PAG1: variants seen among roughly 807,000 people sequenced by gnomAD.
PAG1 encodes phosphoprotein membrane anchor with glycosphingolipid microdomains 1, also known as phosphoprotein associated with glycosphingolipid-enriched microdomains 1.
PAG1 carries 23 observed loss-of-function variants against 31.7 expected under a neutral mutation model. The ratio of observed to expected loss-of-function variants is 0.73; its 90% confidence interval spans 0.52 to 1.03. The LOEUF (loss-of-function observed/expected upper bound fraction) is 1.03. Ranked by LOEUF, PAG1 falls within the 50% of genes least tolerant of loss-of-function variation. PAG1 has a pLI of 0.00. For synonymous variants in PAG1, 214 were observed against 210.3 expected (o/e 1.02, Z -0.15); for missense variants, 473 against 540.7 (o/e 0.87, Z 1.24).
intron 1 of PAG1, among the ~76,000 whole-genome samples, chr8:81,110,830 A>T (rs921916181): frequency 4.6e-5 from 7 of 152,238 alleles, no homozygotes; most frequent in African/African-American, 1.7e-4. Context: ...CCGCTATATC[A>T]TGTCAGCATT....
chr8:81,077,441 A>G (rs1586205892), intron 1 of PAG1, among the ~76,000 whole-genome samples: 1 of 152,236 alleles, frequency 6.6e-6, no homozygotes, highest in South Asian at 2.1e-4. Flanking sequence ...GTAAATAAAT[A>G]ACAACCCACA....
At chr8:81,067,153 C>G (rs1356400709) in intron 2 of PAG1, among the ~76,000 whole-genome samples, 1 of 152,094 alleles carries the variant, frequency 6.6e-6, no homozygotes, top group Non-Finnish European at 1.5e-5. Context: ...TCTCTAAAAG[C>G]AAACAAAACC....
intron 1 of PAG1, among the ~76,000 whole-genome samples, chr8:81,097,294 G>C (rs1809543427): frequency 6.6e-6 from 1 of 152,192 alleles, no homozygotes; most frequent in South Asian, 2.1e-4. Flanking sequence ...GAGCTGGGGA[G>C]GGGTAGGGGT....
At chr8:81,037,327 C>G (rs966296841) in intron 2 of PAG1, 1 of 152,044 alleles carries the variant, frequency 6.6e-6, no homozygotes, top group Admixed American at 6.6e-5. Context: ...ATTTTACTAG[C>G]AAAAATCTTC....
chr8:81,078,102 G>A (rs901623769), intron 1 of PAG1, among the ~76,000 whole-genome samples: 1 of 152,230 alleles, frequency 6.6e-6, no homozygotes, highest in Non-Finnish European at 1.5e-5. Context: ...GAAGGTGTCT[G>A]CTACTTTATC....
At chr8:81,024,544 T>C (rs749447739) in intron 3 of PAG1, among the ~76,000 whole-genome samples, 3 of 152,210 alleles carry the variant, frequency 2.0e-5, no homozygotes, top group Non-Finnish European at 4.4e-5. Context: ...CCACAAGACC[T>C]ATGAAGTGTA....
chr8:81,053,563 T>C (rs988582486), intron 2 of PAG1, among the ~76,000 whole-genome samples: 13 of 152,334 alleles, frequency 8.5e-5, no homozygotes, highest in Middle Eastern at 3.4e-3. Flanking sequence ...ATGATCAGCA[T>C]TGGTTACTTA....
intron 1 of PAG1, among the ~76,000 whole-genome samples, chr8:81,074,305 T>C (rs1233617434): frequency 6.6e-6 from 1 of 151,596 alleles, no homozygotes; most frequent in Non-Finnish European, 1.5e-5. Context: ...AGGGTTGGGG[T>C]TTTGCCAGTG....
chr8:81,012,442 AC>A (rs1808001538), intron 3 of PAG1, among the ~76,000 whole-genome samples: 1 of 152,220 alleles, frequency 6.6e-6, no homozygotes, highest in Non-Finnish European at 1.5e-5. Context: ...TGAAACCCCT[AC>A]CAAAATCAGC....
chr8:80,992,574 A>AGG (rs1156390745), intron 4 of PAG1, among the ~76,000 whole-genome samples: 1 of 152,250 alleles, frequency 6.6e-6, no homozygotes, highest in Admixed American at 6.5e-5. Flanking sequence ...GAGGAGAGAG[A>AGG]GAAGTATAAC....
At chr8:81,077,699 T>A (rs1310685991) in intron 1 of PAG1, among the ~76,000 whole-genome samples, 1 of 152,210 alleles carries the variant, frequency 6.6e-6, no homozygotes, top group Non-Finnish European at 1.5e-5. Context: ...GAAGAAGATA[T>A]GCCTTAAAAA....
At position 80,974,161 on chromosome 8, in the gene PAG1, T is replaced by TG. The variant is rs1807135775; in HGVS notation, c.*2382_*2383insC. On this transcript the variant is annotated 3_prime_UTR_variant, in exon 9 of 9. Transcript: ENST00000220597. ...GAGCTTTCTATAAAAAGTTTTTTTT[T>TG]TTTTTTTTTTTTTACTTTAGAGATC... 6.6e-6 allele frequency: 1 copy of TG among 150,868 alleles called. No homozygotes were observed. Among genetic ancestry groups the TG allele is most frequent in the Non-Finnish European group, 1.5e-5 (1 of 67,694 alleles). The allele number at this position is 150,868 out of a possible 1,614,324, so 9.3% of individuals were successfully genotyped here. A position where few individuals can be genotyped will look rare whatever the true frequency, so the allele number is the denominator to read the frequency against.
intron 3 of PAG1, among the ~76,000 whole-genome samples, chr8:81,012,538 T>A (rs1339180308): frequency 6.6e-6 from 1 of 152,222 alleles, no homozygotes; most frequent in African/African-American, 2.4e-5. Context: ...TTTTGCTGCT[T>A]CCCTGGCTGG....
chr8:81,023,000 T>A (rs1277905298), intron 3 of PAG1, among the ~76,000 whole-genome samples: 1 of 152,216 alleles, frequency 6.6e-6, no homozygotes, highest in Non-Finnish European at 1.5e-5. Context: ...TATTTTAATA[T>A]CTTTTCCTGG....
intron 1 of PAG1, among the ~76,000 whole-genome samples, chr8:81,100,714 C>T (rs1809595743): frequency 6.6e-6 from 1 of 152,154 alleles, no homozygotes; most frequent in South Asian, 2.1e-4. Flanking sequence ...AAAAAGCATA[C>T]GACTAGCAAA....
chr8:81,054,008 G>T (rs1808774524), intron 2 of PAG1, among the ~76,000 whole-genome samples: 1 of 152,100 alleles, frequency 6.6e-6, no homozygotes, highest in African/African-American at 2.4e-5. Context: ...GCTAAAGGAC[G>T]AGTGTGCCTG....
chr8:80,997,758 AC>A (rs1157046918), intron 3 of PAG1, among the ~76,000 whole-genome samples: 1 of 145,090 alleles, frequency 6.9e-6, no homozygotes, highest in Non-Finnish European at 1.5e-5. Context: ...TAATAGTTGT[AC>A]ATTAATTCTG....
At chr8:81,060,076 C>G (rs1808893477) in intron 2 of PAG1, among the ~76,000 whole-genome samples, 2 of 151,418 alleles carry the variant, frequency 1.3e-5, no homozygotes, top group African/African-American at 4.8e-5. Context: ...ATTAAAAAAT[C>G]TGATTATCCA....
At chr8:81,001,389 G>A (rs557541435) in intron 3 of PAG1, among the ~76,000 whole-genome samples, 1 of 152,312 alleles carries the variant, frequency 6.6e-6, no homozygotes, top group South Asian at 2.1e-4. Context: ...TTCAAAGGTG[G>A]TAAGAGTTGG....
Sources: gnomAD v4.1 joint callset for allele counts (sites outside exome capture counted in the v4.1 genomes callset) on GRCh38, gnomAD v4.1.1 for gene constraint, MANE v1.5 for transcripts, NCBI Gene and HGNC (gene_info 2026-07-23, HGNC 2026-07-21) for gene names.